The following MYRIP variants were observed in gnomAD, a reference collection of about 807,000 sequenced individuals.
MYRIP encodes myosin VIIA and Rab interacting protein, also known as rab effector MyRIP.
In MYRIP, 49 loss-of-function variants were observed where a neutral mutation model predicts 98.0. That is an observed-to-expected ratio of 0.50 (90% CI 0.40 to 0.63). The LOEUF (loss-of-function observed/expected upper bound fraction) is 0.63, where lower values mean the gene tolerates loss of function less well. MYRIP is among the 30% of genes least tolerant of loss of function. The pLI, the probability that MYRIP is intolerant of heterozygous loss-of-function variation, is 0.00. For synonymous variants in MYRIP, 404 were observed against 409.5 expected, an observed-to-expected ratio of 0.99 and a Z score of 0.16; for missense variants, 1,004 against 1,058.2, an observed-to-expected ratio of 0.95 and a Z score of 0.71.
chr3:39,910,709 T>A (rs1488499897), intron 2 of MYRIP, among the ~76,000 whole-genome samples: 1 of 152,242 alleles, frequency 6.6e-6, no homozygotes, highest in Non-Finnish European at 1.5e-5. Context: ...ATTTCACTTT[T>A]TTTTACTTTT....
At chr3:39,872,654 A>T (rs1053139303) in intron 1 of MYRIP, among the ~76,000 whole-genome samples, 1 of 151,998 alleles carries the variant, frequency 6.6e-6, no homozygotes, top group African/African-American at 2.4e-5. Context: ...ATGTCCCTAC[A>T]AAGGACATGA....
chr3:40,034,697 A>G (rs1253131891), intron 2 of MYRIP, among the ~76,000 whole-genome samples: 1 of 151,106 alleles, frequency 6.6e-6, no homozygotes. Flanking sequence ...TAGAAATACC[A>G]TTTGACCCAG....
chr3:40,054,099 T>C (rs1221859349), intron 3 of MYRIP, among the ~76,000 whole-genome samples: 1 of 152,180 alleles, frequency 6.6e-6, no homozygotes, highest in Non-Finnish European at 1.5e-5. Context: ...CCACAGAGGA[T>C]GAGTTGGTGG....
rs557061661 is a variant in MYRIP at position 40,078,475 on chromosome 3, A to T, written c.332+34204A>T. ...CTGTGAGGACTGCCAGCACGCTGTC[A>T]CCTCTCACTATTGTATGACTTTCTC... On this transcript the variant is annotated intron_variant, in intron 3 of 16. Transcript: ENST00000302541. Among the ~76,000 whole-genome samples the T allele has an allele frequency of 2.4e-3, 368 of 152,334 alleles. 1 individual carries two copies. Among genetic ancestry groups the T allele is most frequent in the South Asian group, 9.7e-3 (47 of 4,830 alleles).
At chr3:39,943,607 A>AT (rs1944838436) in intron 2 of MYRIP, among the ~76,000 whole-genome samples, 1 of 152,150 alleles carries the variant, frequency 6.6e-6, no homozygotes. Flanking sequence ...AGATCAGTAC[A>AT]TCCCCCTCTT....
intron 1 of MYRIP, among the ~76,000 whole-genome samples, chr3:39,876,404 T>G (rs1942996654): frequency 6.6e-6 from 1 of 152,248 alleles, no homozygotes; most frequent in Admixed American, 6.5e-5. Flanking sequence ...CTGGTTATTT[T>G]GCTCATTCGT....
chr3:40,152,593 G>T (rs1214047248), intron 4 of MYRIP, among the ~76,000 whole-genome samples: 1 of 152,124 alleles, frequency 6.6e-6, no homozygotes, highest in South Asian at 2.1e-4. Context: ...ATAAATATCT[G>T]CCCTGATTGA....
chr3:40,220,667 T>C (rs1396331375), intron 11 of MYRIP, among the ~76,000 whole-genome samples: 1 of 152,136 alleles, frequency 6.6e-6, no homozygotes, highest in Admixed American at 6.6e-5. Flanking sequence ...GGGTAATTTA[T>C]AAAGAAAAGA....
chr3:40,104,489 C>T (rs1177462156), intron 3 of MYRIP, among the ~76,000 whole-genome samples: 1 of 152,204 alleles, frequency 6.6e-6, no homozygotes, highest in East Asian at 1.9e-4. Context: ...GTAACAGGCA[C>T]ACTTCTAAAG....
intron 2 of MYRIP, among the ~76,000 whole-genome samples, chr3:40,020,712 T>A (rs1235327062): frequency 6.6e-6 from 1 of 152,248 alleles, no homozygotes; most frequent in Non-Finnish European, 1.5e-5. Context: ...GCAGACTTTA[T>A]ATGTAAGGCA....
intron 12 of MYRIP, among the ~76,000 whole-genome samples, chr3:40,237,290 A>G (rs529453316): frequency 6.6e-6 from 1 of 152,142 alleles, no homozygotes; most frequent in African/African-American, 2.4e-5. Context: ...TCACTCATCC[A>G]TCTCCCATTA....
rs1423653797 is a variant in MYRIP at position 40,259,517 on chromosome 3, C to T, written c.*1351C>T. ...TATTTCAGATTTAATAACTGAAGGC[C>T]AGAGAGATTAATTTGCCAAAGCCAC... On this transcript the variant is annotated 3_prime_UTR_variant, in exon 17 of 17. Transcript: ENST00000302541. 1 of 152,158 alleles carries T rather than the reference C, an allele frequency of 6.6e-6. No homozygotes were observed. The highest frequency in any genetic ancestry group is 1.5e-5 in the Non-Finnish European group (1 of 68,030). 9.4% of individuals were successfully genotyped at this position (152,158 alleles called of 1,614,324 possible). A position where few individuals can be genotyped will look rare whatever the true frequency, so the allele number is the denominator to read the frequency against.
chr3:40,152,843 A>G (rs893286693), intron 4 of MYRIP, among the ~76,000 whole-genome samples: 2 of 152,082 alleles, frequency 1.3e-5, no homozygotes, highest in Non-Finnish European at 1.5e-5. Context: ...GGGGCCAGGC[A>G]TGGTGGCTTA....
chr3:40,161,939 T>C (rs1258276059), intron 4 of MYRIP, among the ~76,000 whole-genome samples: 2 of 152,192 alleles, frequency 1.3e-5, no homozygotes, highest in African/African-American at 4.8e-5. Flanking sequence ...CTGCATGGCC[T>C]GTGTCCCCAG....
In MYRIP at chr3:40,123,749, C is replaced by T. The variant is rs372365660; in HGVS notation, c.333-27299C>T. On this transcript the variant is annotated intron_variant, in intron 3 of 16. Coordinates refer to ENST00000302541, the MANE Select transcript of MYRIP (RefSeq NM_015460.4). ...TTGTCTGTGTGTGCCCCACCTGTAGCTAAGGGACCCTGAGAAGCAGCTCAT... is the reference window on the plus strand; with the variant it reads ...TTGTCTGTGTGTGCCCCACCTGTAGTTAAGGGACCCTGAGAAGCAGCTCAT... 2.6e-5 allele frequency among the ~76,000 whole-genome samples: 4 copies of T among 152,296 alleles called. No individual in the cohort carries two copies. The South Asian group carries it at 8.3e-4, about 32-fold the overall frequency.
At chr3:39,928,330 G>A (rs780864382) in intron 2 of MYRIP, among the ~76,000 whole-genome samples, 2 of 150,956 alleles carry the variant, frequency 1.3e-5, no homozygotes, top group African/African-American at 4.9e-5. Flanking sequence ...CATAAAACTA[G>A]TATTACCCTG....
chr3:40,087,554 C>A (rs141533951), intron 3 of MYRIP, among the ~76,000 whole-genome samples: 24 of 152,238 alleles, frequency 1.6e-4, no homozygotes, highest in African/African-American at 5.8e-4. Flanking sequence ...GAAGCCAAAG[C>A]AAGAGGGCTA....
chr3:39,904,234 T>TTTGTTTG (rs926177317), intron 2 of MYRIP, among the ~76,000 whole-genome samples: 1 of 152,142 alleles, frequency 6.6e-6, no homozygotes, highest in African/African-American at 2.4e-5. Context: ...AGTGTTTTTC[T>TTTGTTTG]TTGTTTGTTG....
intron 3 of MYRIP, among the ~76,000 whole-genome samples, chr3:40,061,249 A>G (rs989506774): frequency 2.0e-5 from 3 of 152,140 alleles, no homozygotes; most frequent in Non-Finnish European, 4.4e-5. Flanking sequence ...TCCACCCTCC[A>G]GTAGACCCCA....
Sources: gnomAD v4.1 joint callset for allele counts (sites outside exome capture counted in the v4.1 genomes callset) on GRCh38, gnomAD v4.1.1 for gene constraint, MANE v1.5 for transcripts, NCBI Gene and HGNC (gene_info 2026-07-23, HGNC 2026-07-21) for gene names.